Variants in LOC128462377 observed in about 807,000 individuals in gnomAD.
chr16:89,384,538 C>CTGGGATGGGATGGGATGGGA, the LOC128462377 span, among the ~76,000 whole-genome samples: 1 of 148,224 alleles, frequency 6.7e-6, no homozygotes, highest in African/African-American at 2.5e-5. Context: ...TGGGATGGGA[C>CTGGGATGGGATGGGATGGGA]TGGGATGGGA....
At chr16:89,396,747 C>T in the LOC128462377 span, among the ~76,000 whole-genome samples, 5 of 152,190 alleles carry the variant, frequency 3.3e-5, no homozygotes, top group Non-Finnish European at 5.9e-5. Flanking sequence ...AGTGCAATGG[C>T]GCCATCTTGG....
At chr16:89,359,763 G>A in the LOC128462377 span, among the ~76,000 whole-genome samples, 1 of 152,314 alleles carries the variant, frequency 6.6e-6, no homozygotes, top group Non-Finnish European at 1.5e-5. Flanking sequence ...GAAGATGTTT[G>A]CATTTTAGTC....
At chr16:89,384,978 T>C in the LOC128462377 span, among the ~76,000 whole-genome samples, 1 of 135,032 alleles carries the variant, frequency 7.4e-6, no homozygotes, top group African/African-American at 2.8e-5. Flanking sequence ...CTCTGACTCC[T>C]GGGTTCAAGT....
the LOC128462377 span, among the ~76,000 whole-genome samples, chr16:89,396,346 G>T: frequency 3.9e-5 from 6 of 152,254 alleles, no homozygotes; most frequent in African/African-American, 1.2e-4. Context: ...GGACACACAG[G>T]CACACTCCCA....
the LOC128462377 span, among the ~76,000 whole-genome samples, chr16:89,322,037 T>C: frequency 6.6e-6 from 1 of 152,346 alleles, no homozygotes; most frequent in South Asian, 2.1e-4. Flanking sequence ...ACACATAACA[T>C]ACAAAATGTG....
chr16:89,341,244 C>A, the LOC128462377 span, among the ~76,000 whole-genome samples: 10 of 152,302 alleles, frequency 6.6e-5, no homozygotes, highest in Admixed American at 6.5e-4. Context: ...GGCAAGCAGA[C>A]CCGGTTTGGA....
chr16:89,340,723 G>A, the LOC128462377 span, among the ~76,000 whole-genome samples: 5 of 152,214 alleles, frequency 3.3e-5, no homozygotes, highest in East Asian at 1.9e-4. Flanking sequence ...AAACTCAAGT[G>A]CTAACAGGAG....
the LOC128462377 span, among the ~76,000 whole-genome samples, chr16:89,397,762 G>C: frequency 6.6e-6 from 1 of 152,222 alleles, no homozygotes; most frequent in Non-Finnish European, 1.5e-5. Context: ...AGCATCTTCT[G>C]ATTGACAGGC....
chr16:89,348,920 G>A, the LOC128462377 span, among the ~76,000 whole-genome samples: 7 of 146,620 alleles, frequency 4.8e-5, no homozygotes, highest in South Asian at 8.6e-4. Context: ...CTGAAATCAC[G>A]AGTTCAAGAC....
At chr16:89,318,653 G>A in the LOC128462377 span, among the ~76,000 whole-genome samples, 114 of 152,352 alleles carry the variant, frequency 7.5e-4, 1 homozygote, top group African/African-American at 2.6e-3. Flanking sequence ...CCTGGACGCA[G>A]GCTTGGCTGA....
the LOC128462377 span, among the ~76,000 whole-genome samples, chr16:89,383,932 G>A: frequency 0.021 from 3,222 of 152,256 alleles, 127 homozygotes; most frequent in African/African-American, 0.074. Context: ...TCCCACTGAC[G>A]AAGGCGCTTC....
At chr16:89,330,255 G>C in the LOC128462377 span, among the ~76,000 whole-genome samples, 1 of 152,108 alleles carries the variant, frequency 6.6e-6, no homozygotes, top group Admixed American at 6.5e-5. Flanking sequence ...TGTCAACAAT[G>C]ACCATGCAGC....
chr16:89,344,184 T>C, the LOC128462377 span, among the ~76,000 whole-genome samples: 4 of 152,198 alleles, frequency 2.6e-5, no homozygotes, highest in Admixed American at 2.6e-4. Flanking sequence ...TCAGGACAGA[T>C]TCCCAGCCCC....
At chr16:89,346,494 T>A in the LOC128462377 span, among the ~76,000 whole-genome samples, 1 of 152,120 alleles carries the variant, frequency 6.6e-6, no homozygotes, top group Non-Finnish European at 1.5e-5. Context: ...ACAACAGTCA[T>A]CCAAACTTGA....
At chr16:89,347,984 A>G in the LOC128462377 span, among the ~76,000 whole-genome samples, 1 of 151,372 alleles carries the variant, frequency 6.6e-6, no homozygotes, top group Admixed American at 6.6e-5. Flanking sequence ...CCCAGGCTGG[A>G]GTGAAATGGC....
At chr16:89,413,434 G>C in the LOC128462377 span, among the ~76,000 whole-genome samples, 104 of 152,244 alleles carry the variant, frequency 6.8e-4, 4 homozygotes, top group South Asian at 0.021. Context: ...CACCATCCTA[G>C]CTAACACGAG....
the LOC128462377 span, among the ~76,000 whole-genome samples, chr16:89,387,256 G>A: frequency 6.6e-6 from 1 of 152,092 alleles, no homozygotes; most frequent in African/African-American, 2.4e-5. Context: ...TCTCTCAAGG[G>A]AGAGGCCTGA....
the LOC128462377 span, chr16:89,323,800 G>C: frequency 4.1e-6 from 1 of 243,418 alleles, no homozygotes; most frequent in Non-Finnish European, 8.1e-6. Context: ...CCCTCCTCAG[G>C]GCCACACCAA....
chr16:89,327,039 G>A, the LOC128462377 span, among the ~76,000 whole-genome samples: 144 of 44,188 alleles, frequency 3.3e-3, no homozygotes, highest in African/African-American at 8.2e-3. Flanking sequence ...CAGAGGTGGG[G>A]AATGCAGAGG....
Sources: gnomAD v4.1 joint callset for allele counts (sites outside exome capture counted in the v4.1 genomes callset) on GRCh38, gnomAD v4.1.1 for gene constraint, MANE v1.5 for transcripts.